Variants in CDH13 observed in about 807,000 individuals in gnomAD.
CDH13 encodes cadherin 13.
Under a neutral mutation model 63.8 loss-of-function variants are expected in CDH13, and 24 were observed. The ratio of observed to expected loss-of-function variants is 0.38; its 90% CI spans 0.27 to 0.53. The LOEUF is 0.53. Among genes scored for constraint, CDH13 ranks in the 20% least tolerant of loss-of-function variants. The pLI is 0.85. For synonymous variants in CDH13, 503 were observed against 355.3 expected, an observed-to-expected ratio of 1.42 and a Z score of -4.67; for missense variants, 1,049 against 903.1, an observed-to-expected ratio of 1.16 and a Z score of -2.07.
chr16:83,303,729 C>A (rs1196033002), intron 5 of CDH13, among the ~76,000 whole-genome samples: 4 of 152,140 alleles, frequency 2.6e-5, no homozygotes, highest in African/African-American at 9.7e-5. Context: ...GTCAGAGAAA[C>A]CTTGAGGCTA....
At chr16:83,178,644 A>G (rs535211442) in intron 4 of CDH13, among the ~76,000 whole-genome samples, 1 of 152,286 alleles carries the variant, frequency 6.6e-6, no homozygotes, top group South Asian at 2.1e-4. Context: ...TTTTATTTAA[A>G]TGGAGTGTGT....
chr16:82,982,571 A>G (rs16959002), intron 2 of CDH13, among the ~76,000 whole-genome samples: 8,254 of 152,258 alleles, frequency 0.054, 440 homozygotes, highest in African/African-American at 0.13. Flanking sequence ...TCTATGTGGA[A>G]GATTTTTTCT....
intron 4 of CDH13, among the ~76,000 whole-genome samples, chr16:83,167,809 C>A (rs1161995985): frequency 6.6e-6 from 1 of 151,682 alleles, no homozygotes; most frequent in Non-Finnish European, 1.5e-5. Context: ...AGGTGCCCAG[C>A]AGTGGTGGAC....
At chr16:83,054,576 C>G (rs1216494689) in intron 3 of CDH13, among the ~76,000 whole-genome samples, 1 of 152,118 alleles carries the variant, frequency 6.6e-6, no homozygotes. Flanking sequence ...TTAAAACTTA[C>G]AAATTATTTC....
At chr16:82,920,769 A>G in intron 2 of CDH13, among the ~76,000 whole-genome samples, 1 of 152,180 alleles carries the variant, frequency 6.6e-6, no homozygotes, top group Non-Finnish European at 1.5e-5. Context: ...ATCAGACAGA[A>G]GGGTTAAGAA....
chr16:83,416,334 G>C (rs566455475), intron 6 of CDH13, among the ~76,000 whole-genome samples: 1 of 152,288 alleles, frequency 6.6e-6, no homozygotes, highest in Non-Finnish European at 1.5e-5. Flanking sequence ...ATTATCTACA[G>C]ATTTAATGCA....
At chr16:82,691,142 A>G (rs1340899808) in intron 1 of CDH13, among the ~76,000 whole-genome samples, 3 of 152,224 alleles carry the variant, frequency 2.0e-5, no homozygotes, top group Non-Finnish European at 4.4e-5. Flanking sequence ...AATCAGCCAA[A>G]TGAACAAGTC....
intron 1 of CDH13, among the ~76,000 whole-genome samples, chr16:82,687,916 C>T (rs1000831052): frequency 5.9e-5 from 9 of 152,100 alleles, no homozygotes; most frequent in African/African-American, 1.9e-4. Context: ...GGATCCAAGG[C>T]ACCTCCTTGG....
At chr16:83,570,703 T>C (rs1282240173) in intron 7 of CDH13, among the ~76,000 whole-genome samples, 1 of 145,698 alleles carries the variant, frequency 6.9e-6, no homozygotes, top group Non-Finnish European at 1.5e-5. Context: ...AAATTTATTA[T>C]TTATATATTT....
At chr16:82,672,185 T>C (rs530319679) in intron 1 of CDH13, among the ~76,000 whole-genome samples, 2 of 152,292 alleles carry the variant, frequency 1.3e-5, no homozygotes, top group African/African-American at 4.8e-5. Flanking sequence ...GCTCAGTGTT[T>C]TAATCTGTAA....
intron 10 of CDH13, among the ~76,000 whole-genome samples, chr16:83,728,216 G>T (rs138986020): frequency 6.6e-6 from 1 of 152,256 alleles, no homozygotes; most frequent in Non-Finnish European, 1.5e-5. Flanking sequence ...TCTTTGATGT[G>T]CACACTGGGC....
chr16:83,049,759 A>G (rs920089441), intron 3 of CDH13, among the ~76,000 whole-genome samples: 2 of 152,126 alleles, frequency 1.3e-5, no homozygotes, highest in African/African-American at 4.8e-5. Context: ...TCATCTGTTG[A>G]TGGCCATTTG....
intron 10 of CDH13, among the ~76,000 whole-genome samples, chr16:83,697,663 T>G (rs1905585331): frequency 6.6e-6 from 1 of 152,204 alleles, no homozygotes; most frequent in Non-Finnish European, 1.5e-5. Flanking sequence ...AGCAATGGTT[T>G]TTGAGACAGA....
At chr16:83,587,917 A>G (rs1325133310) in intron 7 of CDH13, among the ~76,000 whole-genome samples, 1 of 150,576 alleles carries the variant, frequency 6.6e-6, no homozygotes, top group Non-Finnish European at 1.5e-5. Context: ...CTTTGTTGAG[A>G]TTTATCTGAG....
At position 82,817,649 on chromosome 16, in the gene CDH13, C is replaced by CA. The variant is rs1019934511; in HGVS notation, c.46-40706dup. 3.8e-4 allele frequency among the ~76,000 whole-genome samples: 58 copies of CA among 151,996 alleles called. 1 individual carries two copies. The highest frequency in any genetic ancestry group is 4.8e-4 in the African/African-American group (20 of 41,494). ...TGAAACCCTGTCTTTGCTAAAAATA[C>CA]AAAAAAACAGCCAGGTGTGGTGGTG... On this transcript the variant is annotated intron_variant, in intron 1 of 13. Coordinates refer to ENST00000567109, the MANE Select transcript of CDH13 (RefSeq NM_001257.5).
chr16:82,756,145 GT>G (rs1307549287), intron 1 of CDH13, among the ~76,000 whole-genome samples: 1 of 152,182 alleles, frequency 6.6e-6, no homozygotes, highest in Non-Finnish European at 1.5e-5. Context: ...GAAGTAGCTT[GT>G]AAAAAGTTGC....
At chr16:83,339,485 A>G (rs1183916598) in intron 5 of CDH13, among the ~76,000 whole-genome samples, 1 of 152,180 alleles carries the variant, frequency 6.6e-6, no homozygotes, top group Non-Finnish European at 1.5e-5. Flanking sequence ...TTTGTATCAG[A>G]CACTTTCATG....
chr16:83,575,399 G>T (rs913843821), intron 7 of CDH13, among the ~76,000 whole-genome samples: 1 of 152,080 alleles, frequency 6.6e-6, no homozygotes, highest in African/African-American at 2.4e-5. Flanking sequence ...CAAGTCAACC[G>T]CCTGGTTAAA....
At chr16:83,700,999 C>T (rs565850895) in intron 10 of CDH13, among the ~76,000 whole-genome samples, 1 of 152,280 alleles carries the variant, frequency 6.6e-6, no homozygotes, top group East Asian at 1.9e-4. Flanking sequence ...TTCTTCCCCA[C>T]CAAGTGTGGA....
Sources: allele counts gnomAD v4.1 joint callset (sites outside exome capture counted in the v4.1 genomes callset), GRCh38; gene constraint gnomAD v4.1.1; transcripts MANE v1.5; gene names NCBI Gene and HGNC (gene_info 2026-07-23, HGNC 2026-07-21).